The following CDC5L variants were observed in gnomAD, a reference collection of about 807,000 sequenced individuals.
CDC5L encodes the protein cell division cycle 5 like.
CDC5L carries 18 observed loss-of-function variants against 104.1 expected under a neutral mutation model. The observed-to-expected ratio is 0.17, with a 90% CI of 0.12 to 0.26. The LOEUF (loss-of-function observed/expected upper bound fraction) is 0.26. Among genes scored for constraint, CDC5L ranks in the 10% least tolerant of loss-of-function variants. CDC5L has a pLI of 1.00. For missense variants in CDC5L, 673 were observed against 956.9 expected (o/e 0.70, Z 3.91); for synonymous variants, 331 against 322.7 (o/e 1.03, Z -0.28).
At chr6:44,399,666 G>T (rs868269129) in intron 5 of CDC5L, among the ~76,000 whole-genome samples, 1 of 152,132 alleles carries the variant, frequency 6.6e-6, no homozygotes, top group African/African-American at 2.4e-5. Context: ...GTTTTGTTTT[G>T]TTTTTTGAGA....
intron 14 of CDC5L, among the ~76,000 whole-genome samples, chr6:44,444,912 A>T (rs1476090549): frequency 1.3e-5 from 2 of 152,080 alleles, no homozygotes; most frequent in Admixed American, 1.3e-4. Context: ...AAAGGCTTGG[A>T]AAGTGTCCAG....
intron 14 of CDC5L, among the ~76,000 whole-genome samples, chr6:44,440,896 TG>T (rs1168637650): frequency 6.6e-6 from 1 of 151,994 alleles, no homozygotes; most frequent in African/African-American, 2.4e-5. Context: ...TTAATAGAGA[TG>T]GCGTTTCACC....
chr6:44,391,247 CTTT>C (rs1337345333), intron 2 of CDC5L, among the ~76,000 whole-genome samples: 3 of 151,046 alleles, frequency 2.0e-5, no homozygotes, highest in Non-Finnish European at 1.5e-5. Context: ...GGTGTCACCT[CTTT>C]TTTATTTTTA....
At chr6:44,412,638 G>T (rs960980030) in intron 8 of CDC5L, among the ~76,000 whole-genome samples, 1 of 151,256 alleles carries the variant, frequency 6.6e-6, no homozygotes, top group South Asian at 2.1e-4. Flanking sequence ...TTACATTATA[G>T]GACAATATAA....
chr6:44,422,885 G>A (rs554835963), intron 10 of CDC5L, 76 bp downstream of exon 10: 1 of 918,852 alleles, frequency 1.1e-6, no homozygotes, highest in South Asian at 1.7e-5. Flanking sequence ...AATTTCTCCT[G>A]TTAGTGCATA....
intron 4 of CDC5L, 123 bp downstream of exon 4, chr6:44,393,696 GCT>G: frequency 1.0e-6 from 1 of 979,026 alleles, no homozygotes; most frequent in Non-Finnish European, 1.4e-6. Flanking sequence ...ACAAGGTCTT[GCT>G]CTGTTACCCA....
intron 6 of CDC5L, among the ~76,000 whole-genome samples, chr6:44,406,042 C>T (rs1791349524): frequency 6.6e-6 from 1 of 152,084 alleles, no homozygotes; most frequent in Non-Finnish European, 1.5e-5. Flanking sequence ...GCTGGGATTA[C>T]AGGCACGCAC....
chr6:44,408,687 T>TA lies in CDC5L; in HGVS notation c.1092+56dup, dbSNP rs1189373178. On this transcript the variant is annotated intron_variant, in intron 8 of 15. Coordinates refer to ENST00000371477, the MANE Select transcript of CDC5L (RefSeq NM_001253.4). ...TTACTTTGTTTATTGTCCTTAGAAG[T>TA]ATCATGCAGGAGAACTAAGCGGTTT... The TA allele has an allele frequency of 8.2e-6, 11 of 1,334,752 alleles. No individual in the cohort carries two copies. In the African/African-American group the frequency reaches 1.6e-4, roughly 20 times the overall value. The allele number at this position is 1,334,752 out of a possible 1,614,324, so 82.7% of individuals were successfully genotyped here.
chr6:44,417,905 T>C (rs1032535205), intron 8 of CDC5L, among the ~76,000 whole-genome samples: 4 of 152,172 alleles, frequency 2.6e-5, no homozygotes, highest in African/African-American at 9.7e-5. Context: ...GCTGGGAAAT[T>C]TGAATTCTTG....
At chr6:44,440,324 C>G (rs1367560199) in intron 14 of CDC5L, among the ~76,000 whole-genome samples, 1 of 151,612 alleles carries the variant, frequency 6.6e-6, no homozygotes, top group Non-Finnish European at 1.5e-5. Flanking sequence ...TCATTGCAAC[C>G]TCCGCCTCCT....
rs561419974 is a variant in CDC5L at position 44,427,108 on chromosome 6, A to G, written c.1893+384A>G. On this transcript the variant is annotated intron_variant, in intron 13 of 15. Coordinates refer to ENST00000371477, the MANE Select transcript of CDC5L (RefSeq NM_001253.4). ...ATGAAGAGGTGAGAGAGACTAATAT[A>G]AAAATGTTTATAGATTAAACCTTTT... is the stretch of plus-strand genomic sequence containing the variant. 9.8e-5 allele frequency among the ~76,000 whole-genome samples: 15 copies of G among 152,370 alleles called. No homozygotes were observed. In the South Asian group the frequency reaches 1.9e-3, roughly 19 times the overall value.
At position 44,387,841 on chromosome 6, in the gene CDC5L, C is replaced by A; in HGVS notation, c.18C>A (p.Ile6=). The A allele has an allele frequency of 6.4e-7, 1 of 1,567,506 alleles. No homozygotes were observed. MPRIM[I]KGGVWRNTED... is the part of the protein sequence containing the mutation. ...CCGCCAAGATGCCTCGAATTATGAT[C>A]AAGGGGGGCGTATGGAGGAATACCG... Residue 6 remains isoleucine (I), a synonymous_variant, in exon 1 of 16, where the codon ATC becomes ATA. Transcript: ENST00000371477.
chr6:44,424,587 GGTAACT>G lies in CDC5L; in HGVS notation c.1569+8_1569+13del, dbSNP rs1792335557. ...TGATGTGGATGCTCGAAAGCAGGTGGGTAACTGTACTGAAAGAAGCGTGAGTTTGGC... is the reference window on the plus strand; with the variant it reads ...TGATGTGGATGCTCGAAAGCAGGTGGGTACTGAAAGAAGCGTGAGTTTGGC... On this transcript the variant is annotated splice_donor_5th_base_variant and intron_variant, in intron 11 of 15. Coordinates refer to ENST00000371477, the MANE Select transcript of CDC5L (RefSeq NM_001253.4). The G allele has an allele frequency of 6.2e-7, 1 of 1,613,472 alleles. No individual in the cohort carries two copies. The highest frequency in any genetic ancestry group is 2.2e-5 in the East Asian group (1 of 44,836).
At chr6:44,405,106 TTA>T (rs1160536404) in intron 6 of CDC5L, among the ~76,000 whole-genome samples, 10 of 152,210 alleles carry the variant, frequency 6.6e-5, no homozygotes, top group Non-Finnish European at 8.8e-5. Flanking sequence ...TATAAAATCT[TTA>T]TGTTTTAGGG....
At chr6:44,429,581 C>T in intron 13 of CDC5L, 132 bp from the exon 14 acceptor site, 1 of 677,558 alleles carries the variant, frequency 1.5e-6, no homozygotes, top group Non-Finnish European at 2.5e-6. Context: ...TGTTATCCAC[C>T]CTTCCAAAAA....
intron 14 of CDC5L, among the ~76,000 whole-genome samples, chr6:44,433,397 A>G (rs1156980852): frequency 1.3e-5 from 2 of 152,246 alleles, no homozygotes; most frequent in Admixed American, 1.3e-4. Flanking sequence ...TTAAGTGGAA[A>G]TAGGAAATCA....
intron 8 of CDC5L, among the ~76,000 whole-genome samples, chr6:44,415,219 G>A (rs111298040): frequency 6.6e-6 from 1 of 152,226 alleles, no homozygotes; most frequent in African/African-American, 2.4e-5. Context: ...CTTTTTAACT[G>A]ATTGTTAAAG....
chr6:44,439,754 C>CCAG (rs1793095649), intron 14 of CDC5L, among the ~76,000 whole-genome samples: 1 of 152,182 alleles, frequency 6.6e-6, no homozygotes, highest in Non-Finnish European at 1.5e-5. Flanking sequence ...TTATTCTGTG[C>CCAG]CAGGCACTGG....
At chr6:44,415,988 T>A (rs747723966) in intron 8 of CDC5L, among the ~76,000 whole-genome samples, 2 of 152,224 alleles carry the variant, frequency 1.3e-5, no homozygotes, top group Non-Finnish European at 2.9e-5. Context: ...TTGTTTTCAC[T>A]TTGTGAGCTT....
Sources: allele counts gnomAD v4.1 joint callset (sites outside exome capture counted in the v4.1 genomes callset), GRCh38; gene constraint gnomAD v4.1.1; transcripts MANE v1.5; gene names NCBI Gene and HGNC (gene_info 2026-07-23, HGNC 2026-07-21).